Variants in TBL1XR1 observed in about 807,000 individuals in gnomAD.
TBL1XR1 encodes the protein TBL1X/Y related 1.
A neutral mutation model predicts 66.9 loss-of-function variants in TBL1XR1; 5 were observed. The ratio of observed to expected loss-of-function variants is 0.07; its 90% CI spans 0.04 to 0.16. The LOEUF is 0.16. Ranked by LOEUF, TBL1XR1 falls within the 10% of genes least tolerant of loss-of-function variation. TBL1XR1 has a pLI of 1.00. For synonymous variants in TBL1XR1, 210 were observed against 206.0 expected (o/e 1.02, Z -0.17); for missense variants, 238 against 623.2 (o/e 0.38, Z 6.58).
chr3:177,096,929 G>T (rs1437145829), intron 2 of TBL1XR1, among the ~76,000 whole-genome samples: 2 of 152,124 alleles, frequency 1.3e-5, no homozygotes, highest in Non-Finnish European at 2.9e-5. Context: ...AAAAGAGAAA[G>T]GAGAGAGGAG....
intron 1 of TBL1XR1, among the ~76,000 whole-genome samples, chr3:177,134,540 C>G (rs910866964): frequency 1.3e-5 from 2 of 152,120 alleles, no homozygotes; most frequent in Non-Finnish European, 2.9e-5. Flanking sequence ...CAGTTATAGG[C>G]AAAACAGTAC....
chr3:177,168,304 G>A (rs868510167), intron 1 of TBL1XR1, among the ~76,000 whole-genome samples: 6 of 145,688 alleles, frequency 4.1e-5, no homozygotes, highest in East Asian at 2.0e-4. Flanking sequence ...TTTTTGAGAC[G>A]AAGTTTCACT....
At chr3:177,128,385 T>G (rs1727897442) in intron 1 of TBL1XR1, among the ~76,000 whole-genome samples, 1 of 152,176 alleles carries the variant, frequency 6.6e-6, no homozygotes, top group South Asian at 2.1e-4. Context: ...TCTTTTCTGC[T>G]TTTTTGGAGA....
At chr3:177,059,538 C>T (rs1718241200) in intron 3 of TBL1XR1, among the ~76,000 whole-genome samples, 2 of 151,942 alleles carry the variant, frequency 1.3e-5, no homozygotes, top group African/African-American at 4.8e-5. Flanking sequence ...TCTCAAAAAA[C>T]AAATGGTATG....
At chr3:177,134,945 C>CTGTGAGTGTG (rs1728723227) in intron 1 of TBL1XR1, among the ~76,000 whole-genome samples, 1 of 129,150 alleles carries the variant, frequency 7.7e-6, no homozygotes, top group Non-Finnish European at 1.6e-5. Flanking sequence ...CACTGCAAGG[C>CTGTGAGTGTG]TGTGTGTGTG....
At chr3:177,078,321 A>G (rs1271668401) in intron 2 of TBL1XR1, among the ~76,000 whole-genome samples, 1 of 152,110 alleles carries the variant, frequency 6.6e-6, no homozygotes, top group East Asian at 1.9e-4. Context: ...GGCTGAGTGC[A>G]TGGTTCACAC....
Position 177,083,356 on chromosome 3 carries a change from C to T in TBL1XR1, c.-46+15110G>A, listed in dbSNP as rs185365897. Among the ~76,000 whole-genome samples, 144 of 152,272 alleles carry T rather than the reference C, an allele frequency of 9.5e-4. 1 individual carries two copies. Among genetic ancestry groups the T allele is most frequent in the African/African-American group, 2.8e-3 (117 of 41,554 alleles). ...TAGTCTTTGCTACATCATTTTGAAACGATCAAGTTAGTATGTATGTTTTGT... is the reference window on the plus strand; with the variant it reads ...TAGTCTTTGCTACATCATTTTGAAATGATCAAGTTAGTATGTATGTTTTGT... On this transcript the variant is annotated intron_variant, in intron 2 of 15. Transcript: ENST00000457928.
intron 1 of TBL1XR1, among the ~76,000 whole-genome samples, chr3:177,186,724 G>C (rs933900190): frequency 6.6e-6 from 1 of 152,074 alleles, no homozygotes. Context: ...TCTATGAAAG[G>C]CTGTAGATTT....
rs1340513662 is a variant in TBL1XR1 at position 177,192,061 on chromosome 3, C to A, written c.-122+5060G>T. On this transcript the variant is annotated intron_variant, in intron 1 of 15. Coordinates refer to ENST00000457928, the MANE Select transcript of TBL1XR1 (RefSeq NM_024665.7). ...TGAGCCGAGATCGCACCATTGCACT[C>A]CAGCATGGGTGACAGAGCAAGACTC... 3.4e-5 allele frequency among the ~76,000 whole-genome samples: 5 copies of A among 147,804 alleles called. No homozygotes were observed. The East Asian group carries it at 1.0e-3, about 30-fold the overall frequency.
intron 10 of TBL1XR1, among the ~76,000 whole-genome samples, chr3:177,044,338 A>C (rs962197658): frequency 6.6e-6 from 1 of 152,190 alleles, no homozygotes; most frequent in African/African-American, 2.4e-5. Context: ...TTGACTCCCC[A>C]AAATCTTACC....
intron 14 of TBL1XR1, 145 bp downstream of exon 14, chr3:177,032,826 T>C (rs915806431): frequency 1.2e-5 from 7 of 575,768 alleles, no homozygotes; most frequent in Non-Finnish European, 1.9e-5. Context: ...AGATATAACT[T>C]CCATTAGTTT....
intron 1 of TBL1XR1, among the ~76,000 whole-genome samples, chr3:177,107,329 AG>A (rs1725006265): frequency 6.6e-6 from 1 of 152,224 alleles, no homozygotes; most frequent in South Asian, 2.1e-4. Flanking sequence ...CGTGAAAAAA[AG>A]TTTTCAAATT....
chr3:177,065,045 T>C, intron 2 of TBL1XR1, 23 bp from the exon 3 acceptor site: 1 of 1,324,004 alleles, frequency 7.6e-7, no homozygotes, highest in Non-Finnish European at 9.9e-7. Flanking sequence ...CAAAGTTAAT[T>C]ATTTTCTCAG....
At chr3:177,056,250 T>G (rs993442057) in intron 3 of TBL1XR1, among the ~76,000 whole-genome samples, 1 of 152,230 alleles carries the variant, frequency 6.6e-6, no homozygotes, top group Non-Finnish European at 1.5e-5. Context: ...TGACTGCAAT[T>G]TAAATAGTCA....
intron 14 of TBL1XR1, among the ~76,000 whole-genome samples, chr3:177,028,722 T>C (rs1162069845): frequency 6.6e-6 from 1 of 152,192 alleles, no homozygotes; most frequent in Non-Finnish European, 1.5e-5. Flanking sequence ...TCCAAAATTG[T>C]GTGCTCTGTT....
At chr3:177,146,290 CTTTG>C (rs1389967652) in intron 1 of TBL1XR1, among the ~76,000 whole-genome samples, 3 of 151,798 alleles carry the variant, frequency 2.0e-5, no homozygotes, top group Admixed American at 6.6e-5. Context: ...ATATGATATG[CTTTG>C]TTTGTTTTGA....
chr3:177,110,912 G>A (rs1359323810), intron 1 of TBL1XR1: 1 of 152,166 alleles, frequency 6.6e-6, no homozygotes. Context: ...GGAAAAAAAT[G>A]TGTTGTGTAT....
intron 1 of TBL1XR1, among the ~76,000 whole-genome samples, chr3:177,114,584 G>A: frequency 6.6e-6 from 1 of 151,824 alleles, no homozygotes. Context: ...TACGGCATGA[G>A]CCACCACACC....
At chr3:177,055,820 T>G (rs1717734287) in intron 3 of TBL1XR1, among the ~76,000 whole-genome samples, 1 of 152,104 alleles carries the variant, frequency 6.6e-6, no homozygotes, top group Non-Finnish European at 1.5e-5. Flanking sequence ...GCCAAGCAGC[T>G]TAAGAGATTT....
Sources: gnomAD v4.1 joint callset for allele counts (sites outside exome capture counted in the v4.1 genomes callset) on GRCh38, gnomAD v4.1.1 for gene constraint, MANE v1.5 for transcripts, NCBI Gene and HGNC (gene_info 2026-07-23, HGNC 2026-07-21) for gene names.